Variants in KCNG2 observed in about 807,000 individuals in gnomAD.
The protein encoded by KCNG2 is voltage-gated potassium channel regulatory subunit KCNG2.
Under a neutral mutation model 12.3 loss-of-function variants are expected in KCNG2, and 7 were observed. That is an observed-to-expected ratio of 0.57 (90% CI 0.32 to 1.07). The LOEUF (loss-of-function observed/expected upper bound fraction) is 1.07. KCNG2 is among the 50% of genes least tolerant of loss of function. The probability of loss-of-function intolerance (pLI) is 0.04; values close to 1 mark genes in which losing one functional copy is unlikely to be tolerated. For synonymous variants in KCNG2, 414 were observed against 351.4 expected (o/e 1.18, Z -1.99); for missense variants, 703 against 726.0 (o/e 0.97, Z 0.36).
At position 79,863,753 on chromosome 18, in the gene KCNG2, G is replaced by C; in HGVS notation, c.86G>C (p.Arg29Pro). Residue 29 changes from arginine (R) to proline (P), a missense_variant, in exon 3 of 4, where the codon CGC (arginine) becomes CCC (proline). Arg to Pro is a moderately radical substitution (Grantham distance 103). Coordinates refer to ENST00000316249, the MANE Select transcript of KCNG2 (RefSeq NM_012283.2). Reference protein sequence around the residue: ...VIINVGGCRVRLAWAALARCP... With the variant: ...VIINVGGCRVPLAWAALARCP... ...ATCAACGTGGGCGGCTGCCGCGTGC[G>C]CCTGGCATGGGCCGCGCTGGCGCGA... is the stretch of plus-strand genomic sequence containing the variant. 1 of 1,208,234 alleles carries C rather than the reference G, an allele frequency of 8.3e-7. No homozygotes were observed. The highest frequency in any genetic ancestry group is 1.0e-6 in the Non-Finnish European group (1 of 971,256). 74.8% of individuals were successfully genotyped at this position (1,208,234 alleles called of 1,614,324 possible). A position where few individuals can be genotyped will look rare whatever the true frequency, so the allele number is the denominator to read the frequency against.
At chr18:79,845,989 G>C (rs2123042349) in intron 1 of KCNG2, among the ~76,000 whole-genome samples, 1 of 152,056 alleles carries the variant, frequency 6.6e-6, no homozygotes, top group Non-Finnish European at 1.5e-5. Context: ...TACTCGGGAG[G>C]CTGAGGCAGG....
At chr18:79,896,503 G>C (rs2082984994) in intron 3 of KCNG2, among the ~76,000 whole-genome samples, 1 of 152,108 alleles carries the variant, frequency 6.6e-6, no homozygotes, top group Non-Finnish European at 1.5e-5. Flanking sequence ...TTACACTTTT[G>C]CTCCCACACA....
At chr18:79,854,373 C>T (rs1034610293) in intron 1 of KCNG2, among the ~76,000 whole-genome samples, 1 of 152,194 alleles carries the variant, frequency 6.6e-6, no homozygotes, top group Non-Finnish European at 1.5e-5. Context: ...CATCAATTTC[C>T]CCTGGTTACG....
intron 1 of KCNG2, among the ~76,000 whole-genome samples, chr18:79,837,355 T>C (rs1978339782): frequency 6.6e-6 from 1 of 152,150 alleles, no homozygotes; most frequent in Admixed American, 6.5e-5. Context: ...TGGCTCTGAG[T>C]GATGGTGGCT....
intron 1 of KCNG2, among the ~76,000 whole-genome samples, chr18:79,855,467 C>T (rs916482130): frequency 1.3e-5 from 2 of 152,146 alleles, no homozygotes; most frequent in Admixed American, 1.3e-4. Context: ...TTGACTGGTT[C>T]TCTGCTTGGT....
At chr18:79,813,467 TA>T (rs1438952545) in intron 1 of KCNG2, among the ~76,000 whole-genome samples, 3 of 152,208 alleles carry the variant, frequency 2.0e-5, no homozygotes, top group African/African-American at 7.2e-5. Context: ...CTCAATTTGA[TA>T]AAGAACATCC....
intron 3 of KCNG2, among the ~76,000 whole-genome samples, chr18:79,888,385 CCGCGGTGGGGCCGGG>C (rs1218717945): frequency 4.0e-4 from 60 of 151,792 alleles, no homozygotes; most frequent in African/African-American, 1.3e-3. Flanking sequence ...CCTCATGAGG[CCGCGGTGGGGCCGGG>C]ACGGCGGCGT....
In KCNG2 at chr18:79,807,732, G is replaced by A. The variant is rs553361369; in HGVS notation, c.-115+9718G>A. Reference sequence around the variant, plus strand: ...GAGAAGTTGCTCCGGCGCCACTGACGGGCACTCCATGTTATATGCCCAGAG... The same window carrying A: ...GAGAAGTTGCTCCGGCGCCACTGACAGGCACTCCATGTTATATGCCCAGAG... On this transcript the variant is annotated intron_variant, in intron 1 of 3. Coordinates refer to ENST00000316249, the MANE Select transcript of KCNG2 (RefSeq NM_012283.2). Among the ~76,000 whole-genome samples the A allele has an allele frequency of 2.6e-4, 39 of 151,926 alleles. 1 individual carries two copies. The highest frequency in any genetic ancestry group is 1.2e-4 in the Non-Finnish European group (8 of 67,974).
At chr18:79,810,391 A>C (rs766925867) in intron 1 of KCNG2, among the ~76,000 whole-genome samples, 3 of 152,206 alleles carry the variant, frequency 2.0e-5, no homozygotes, top group Non-Finnish European at 4.4e-5. Context: ...TCTACAGGGC[A>C]GGCAAACCCA....
At chr18:79,824,016 T>C (rs1332579522) in intron 1 of KCNG2, among the ~76,000 whole-genome samples, 1 of 152,240 alleles carries the variant, frequency 6.6e-6, no homozygotes, top group Non-Finnish European at 1.5e-5. Flanking sequence ...TTTAATTTAA[T>C]TTTTGAGACA....
Position 79,864,253 on chromosome 18 carries a change from C to T in KCNG2, c.586C>T (p.Leu196=). 6.5e-7 allele frequency: 1 copy of T among 1,549,590 alleles called. No homozygotes were observed. Among genetic ancestry groups the T allele is most frequent in the East Asian group, 2.6e-5 (1 of 37,848 alleles). ...GGCCGTCACGGCCGTGGGCCTCTGC[C>T]TGAGCACCATGCCGGACATCCGCGC... ...FVAVTAVGLC[L]STMPDIRAEE... Residue 196 remains leucine, a synonymous_variant, in exon 3 of 4, where the codon CTG becomes TTG. Transcript: ENST00000316249.
chr18:79,890,730 G>A (rs752535905), intron 3 of KCNG2, among the ~76,000 whole-genome samples: 5 of 152,138 alleles, frequency 3.3e-5, no homozygotes, highest in Non-Finnish European at 5.9e-5. Context: ...TAGTTTGAGG[G>A]TTTCTGACTG....
At chr18:79,874,360 C>G (rs143554645) in intron 3 of KCNG2, among the ~76,000 whole-genome samples, 1 of 152,230 alleles carries the variant, frequency 6.6e-6, no homozygotes, top group Non-Finnish European at 1.5e-5. Flanking sequence ...AGGAGCAGCA[C>G]CGTCACAGCG....
intron 3 of KCNG2, among the ~76,000 whole-genome samples, chr18:79,868,077 T>C (rs1476589322): frequency 6.6e-6 from 1 of 152,238 alleles, no homozygotes; most frequent in Non-Finnish European, 1.5e-5. Flanking sequence ...CTGGAGTGTT[T>C]GGCTGTCCTC....
chr18:79,846,453 A>G (rs1978633615), intron 1 of KCNG2, among the ~76,000 whole-genome samples: 1 of 144,844 alleles, frequency 6.9e-6, no homozygotes, highest in African/African-American at 2.4e-5. Flanking sequence ...TTCAAATCAA[A>G]ATAGTTGAGA....
intron 3 of KCNG2, among the ~76,000 whole-genome samples, chr18:79,869,807 C>T (rs1979757934): frequency 6.6e-6 from 1 of 152,248 alleles, no homozygotes; most frequent in Non-Finnish European, 1.5e-5. Flanking sequence ...AACACACCCA[C>T]TGCACCCCCA....
At chr18:79,826,047 C>T (rs1372961441) in intron 1 of KCNG2, among the ~76,000 whole-genome samples, 1 of 152,256 alleles carries the variant, frequency 6.6e-6, no homozygotes, top group East Asian at 1.9e-4. Flanking sequence ...TAAGAGGAAG[C>T]TCTCGGCGTC....
intron 3 of KCNG2, among the ~76,000 whole-genome samples, chr18:79,879,080 G>C (rs936547146): frequency 6.6e-6 from 1 of 152,240 alleles, no homozygotes; most frequent in Non-Finnish European, 1.5e-5. Flanking sequence ...GAGGGTGGTA[G>C]CGTGCCAGGC....
intron 1 of KCNG2, among the ~76,000 whole-genome samples, chr18:79,820,510 C>G (rs914146358): frequency 3.3e-5 from 5 of 152,192 alleles, no homozygotes; most frequent in Non-Finnish European, 7.3e-5. Context: ...GAAGCGATAG[C>G]TCATATCTGC....
Sources: gnomAD v4.1 joint callset for allele counts (sites outside exome capture counted in the v4.1 genomes callset) on GRCh38, gnomAD v4.1.1 for gene constraint, MANE v1.5 for transcripts, NCBI Gene and HGNC (gene_info 2026-07-23, HGNC 2026-07-21) for gene names.